MTF1: variants seen among roughly 807,000 people sequenced by gnomAD.
The protein encoded by MTF1 is MRE-binding transcription factor.
MTF1 carries 22 observed loss-of-function variants against 70.4 expected under a neutral mutation model. The ratio of observed to expected loss-of-function variants is 0.31; its 90% CI spans 0.22 to 0.45. The LOEUF (loss-of-function observed/expected upper bound fraction) is 0.45. Ranked by LOEUF, MTF1 falls within the 20% of genes least tolerant of loss-of-function variation. The pLI is 1.00. For synonymous variants in MTF1, 333 were observed against 352.8 expected (o/e 0.94, Z 0.63); for missense variants, 649 against 922.0 (o/e 0.70, Z 3.83).
intron 2 of MTF1, among the ~76,000 whole-genome samples, chr1:37,844,799 G>A (rs1641309271): frequency 6.6e-6 from 1 of 152,124 alleles, no homozygotes; most frequent in Admixed American, 6.6e-5. Flanking sequence ...CACAATTCAA[G>A]CCTCCACTAA....
chr1:37,828,234 G>T (rs773947181), intron 7 of MTF1: 1 of 392,792 alleles, frequency 2.5e-6, no homozygotes, highest in Non-Finnish European at 5.0e-6. Context: ...GTGGTTGTCT[G>T]CAGGGAGAGA....
intron 2 of MTF1, among the ~76,000 whole-genome samples, chr1:37,842,976 G>A (rs1478909316): frequency 6.6e-6 from 1 of 152,198 alleles, no homozygotes; most frequent in Admixed American, 6.5e-5. Flanking sequence ...AGAGGCTAGA[G>A]ATGAAGTACG....
chr1:37,822,449 G>A lies in MTF1; in HGVS notation c.1439C>T (p.Ala480Val). Residue 480 changes from alanine (A) to valine (V), a missense_variant, in exon 9 of 11, where the codon GCT becomes GTT. This residue lies in a region of MTF1 where 267 missense variants were observed against 292.1 expected (regional missense o/e 0.91). Transcript: ENST00000373036. ...GTGCGGAAGAAACTCTTGATGATTA[G>A]CAGCAAACTGTGTGCTGTGGGGAAC... The part of the protein sequence containing the change: ...VPVPHSTQFA[A>V]NHQEFLPHPQ... 1 of 1,614,108 alleles carries A rather than the reference G, an allele frequency of 6.2e-7. No individual in the cohort carries two copies. Among genetic ancestry groups the A allele is most frequent in the Non-Finnish European group, 8.5e-7 (1 of 1,179,994 alleles).
chr1:37,851,401 AAATAG>A (rs1641417043), intron 2 of MTF1, among the ~76,000 whole-genome samples: 1 of 152,226 alleles, frequency 6.6e-6, no homozygotes, highest in Admixed American at 6.5e-5. Flanking sequence ...CCAGACTTGC[AAATAG>A]AATAAACCAA....
At chr1:37,818,335 A>G (rs987319861) in intron 9 of MTF1, among the ~76,000 whole-genome samples, 6 of 152,130 alleles carry the variant, frequency 3.9e-5, no homozygotes, top group African/African-American at 1.4e-4. Context: ...AGTCCCAGCT[A>G]TTTGGAAGAC....
At position 37,815,407 on chromosome 1, in the gene MTF1, T is replaced by C. The variant is rs1427196955; in HGVS notation, c.1991A>G (p.Gln664Arg). 1.2e-6 allele frequency: 2 copies of C among 1,613,712 alleles called. No individual in the cohort carries two copies. Among genetic ancestry groups the C allele is most frequent in the East Asian group, 2.2e-5 (1 of 44,868 alleles). ...CTGCAGGCTGGGCCCATCAGGAGCC[T>C]GGGGGCTCGGCTCTGGAGGGGGTGG... is the stretch of plus-strand genomic sequence containing the variant. ...SSPPPPEPSPQAPDGPSLQLP... is the reference protein window; with the variant it reads ...SSPPPPEPSPRAPDGPSLQLP... Residue 664 changes from glutamine (Q) to arginine (R), a missense_variant, in exon 11 of 11, where the codon CAG (glutamine) becomes CGG (arginine). Gln to Arg is a conservative substitution (Grantham distance 43, BLOSUM62 1). This residue lies in a region of MTF1 where 138 missense variants were observed against 134.4 expected (regional missense o/e 1.03). Transcript: ENST00000373036. This position sits in a 1 kb window ranked among gnomAD's most constrained non-coding sequence, Gnocchi z 4.5.
At chr1:37,830,923 T>C (rs984211281) in intron 7 of MTF1, among the ~76,000 whole-genome samples, 2 of 152,230 alleles carry the variant, frequency 1.3e-5, no homozygotes, top group Non-Finnish European at 2.9e-5. Flanking sequence ...CCAGGCTACC[T>C]GCCTTCACTT....
In MTF1 at chr1:37,849,618, T is replaced by A. The variant is rs145704845; in HGVS notation, c.408+7633A>T. Among the ~76,000 whole-genome samples, 117 of 152,246 alleles carry A rather than the reference T, an allele frequency of 7.7e-4. 2 individuals are homozygous for A. The East Asian group carries it at 0.02, about 26-fold the overall frequency. The stretch of plus-strand genomic sequence containing the variant: ...AGGTCAGTTAGCCATGGAGGATACA[T>A]CACGTCACCAATGTAGTGCAGACAG... On this transcript the variant is annotated intron_variant, in intron 2 of 10. Transcript: ENST00000373036.
chr1:37,827,180 G>A (rs1016455549), intron 7 of MTF1, among the ~76,000 whole-genome samples: 5 of 151,962 alleles, frequency 3.3e-5, no homozygotes, highest in African/African-American at 1.2e-4. Flanking sequence ...CTTACTATGT[G>A]CAATGTCCTC....
At chr1:37,826,653 C>G (rs1281083452) in intron 7 of MTF1, 8 of 433,394 alleles carry the variant, frequency 1.8e-5, no homozygotes, top group African/African-American at 4.2e-5. Flanking sequence ...TTTCAGTGAT[C>G]CTGATTGCCA....
chr1:37,834,437 C>T (rs893479736), intron 6 of MTF1, among the ~76,000 whole-genome samples: 3 of 151,886 alleles, frequency 2.0e-5, no homozygotes, highest in African/African-American at 7.3e-5. Flanking sequence ...AAGGGAAAGA[C>T]TGCTTGGACC....
intron 7 of MTF1, among the ~76,000 whole-genome samples, chr1:37,831,262 G>C (rs1390737858): frequency 1.3e-5 from 2 of 152,106 alleles, no homozygotes; most frequent in Non-Finnish European, 2.9e-5. Context: ...AGGCCTTGTC[G>C]TGCTTACATA....
intron 6 of MTF1, 136 bp downstream of exon 6, chr1:37,834,943 G>T: frequency 1.1e-6 from 1 of 888,976 alleles, no homozygotes. Flanking sequence ...CACAAGTCAA[G>T]ACACTGATCT....
At chr1:37,820,049 G>C (rs1053499692) in intron 9 of MTF1, among the ~76,000 whole-genome samples, 1 of 149,912 alleles carries the variant, frequency 6.7e-6, no homozygotes, top group South Asian at 2.2e-4. Context: ...AGCACCCCAG[G>C]ACAGGGCCAG....
At chr1:37,854,910 T>C (rs1290780755) in intron 2 of MTF1, among the ~76,000 whole-genome samples, 1 of 152,000 alleles carries the variant, frequency 6.6e-6, no homozygotes, top group African/African-American at 2.4e-5. Flanking sequence ...AAATACAAAA[T>C]TAGCTGGGTG....
chr1:37,836,942 G>T (rs568744414), intron 4 of MTF1, among the ~76,000 whole-genome samples: 4 of 135,518 alleles, frequency 3.0e-5, no homozygotes, highest in Middle Eastern at 4.1e-3. Flanking sequence ...TACGGGAAGG[G>T]GGGCGGCGGG....
chr1:37,817,544 T>C (rs1465667013), intron 9 of MTF1, 62 bp from the exon 10 acceptor site: 5 of 1,149,530 alleles, frequency 4.3e-6, no homozygotes, highest in Non-Finnish European at 5.3e-6. Flanking sequence ...CCCAGGGACC[T>C]GAAGCCTCAC....
chr1:37,848,315 T>G (rs941785332), intron 2 of MTF1, among the ~76,000 whole-genome samples: 9 of 152,210 alleles, frequency 5.9e-5, no homozygotes, highest in African/African-American at 2.2e-4. Flanking sequence ...TCATTTAATC[T>G]TCACAAAATG....
rs1284860137 is a variant in MTF1, at chr1:37,835,661, C to T, written c.853+10G>A. On this transcript the variant is annotated intron_variant, in intron 5 of 10. Coordinates refer to ENST00000373036, the MANE Select transcript of MTF1 (RefSeq NM_005955.3). ...CAGGCTTGATGAAACAAAAATTGGC[C>T]TAAACTCACCAGTATGTGTACGAAC... 2 of 1,613,400 alleles carry T rather than the reference C, an allele frequency of 1.2e-6. No homozygotes were observed. Among genetic ancestry groups the T allele is most frequent in the Admixed American group, 1.7e-5 (1 of 59,998 alleles).
Sources: allele counts gnomAD v4.1 joint callset (sites outside exome capture counted in the v4.1 genomes callset), GRCh38; gene constraint gnomAD v4.1.1; regional missense constraint gnomAD v4.1.1; non-coding constraint Gnocchi (gnomAD v3.1); transcripts MANE v1.5; gene names NCBI Gene and HGNC (gene_info 2026-07-23, HGNC 2026-07-21).